Variants in NKAIN1 observed in about 807,000 individuals in gnomAD.
NKAIN1 encodes the protein sodium/potassium transporting ATPase interacting 1, also known as sodium/potassium-transporting ATPase subunit beta-1-interacting protein 1.
Under a neutral mutation model 31.6 loss-of-function variants are expected in NKAIN1, and 13 were observed. The ratio of observed to expected loss-of-function variants is 0.41; its 90% CI spans 0.27 to 0.65. The LOEUF (loss-of-function observed/expected upper bound fraction) is 0.65. Ranked by LOEUF, NKAIN1 falls within the 30% of genes least tolerant of loss-of-function variation. NKAIN1 has a pLI of 0.30. For synonymous variants in NKAIN1, 104 were observed against 109.0 expected, an observed-to-expected ratio of 0.95 and a Z score of 0.28; for missense variants, 193 against 262.2, an observed-to-expected ratio of 0.74 and a Z score of 1.82.
At chr1:31,221,975 T>A (rs991909343) in intron 1 of NKAIN1, among the ~76,000 whole-genome samples, 2 of 151,658 alleles carry the variant, frequency 1.3e-5, no homozygotes, top group African/African-American at 2.4e-5. Context: ...ACTTCCCGGG[T>A]TCAAGCAATC....
intron 1 of NKAIN1, among the ~76,000 whole-genome samples, chr1:31,215,196 T>G (rs1645501675): frequency 6.6e-6 from 1 of 152,114 alleles, no homozygotes; most frequent in South Asian, 2.1e-4. Flanking sequence ...CACTTCTGAC[T>G]TCTCCTTCCG....
At chr1:31,220,736 A>G (rs547992763) in intron 1 of NKAIN1, among the ~76,000 whole-genome samples, 3 of 143,924 alleles carry the variant, frequency 2.1e-5, no homozygotes, top group East Asian at 4.3e-4. Flanking sequence ...GCCTGGCGAC[A>G]GAGTAAGACT....
chr1:31,209,529 A>G (rs1272789606), intron 1 of NKAIN1, among the ~76,000 whole-genome samples: 1 of 152,172 alleles, frequency 6.6e-6, no homozygotes, highest in Non-Finnish European at 1.5e-5. Context: ...TCCTAAAAGA[A>G]TACGTATAGC....
At chr1:31,210,328 G>A (rs1110122) in intron 1 of NKAIN1, among the ~76,000 whole-genome samples, 89,362 of 148,214 alleles carry the variant, frequency 0.6, 29,331 homozygotes, top group Middle Eastern at 0.83. Flanking sequence ...TCACTCTGTC[G>A]CCCAGGCTGG....
chr1:31,214,927 T>C (rs6671739), intron 1 of NKAIN1, among the ~76,000 whole-genome samples: 67,574 of 152,038 alleles, frequency 0.44, 17,497 homozygotes, highest in Non-Finnish European at 0.57. Context: ...GATGGGACAC[T>C]AAGCCCTCCG....
intron 1 of NKAIN1, among the ~76,000 whole-genome samples, chr1:31,232,830 C>G (rs1645665031): frequency 6.6e-6 from 1 of 152,108 alleles, no homozygotes; most frequent in South Asian, 2.1e-4. Flanking sequence ...GATGACTACT[C>G]TGAGGCTCAG....
chr1:31,217,724 C>T (rs1013227925), intron 1 of NKAIN1, among the ~76,000 whole-genome samples: 3 of 152,212 alleles, frequency 2.0e-5, no homozygotes, highest in Non-Finnish European at 4.4e-5. Flanking sequence ...CCTGGAACAG[C>T]ACATGAAGGG....
At chr1:31,213,426 T>C (rs1645485940) in intron 1 of NKAIN1, among the ~76,000 whole-genome samples, 1 of 83,248 alleles carries the variant, frequency 1.2e-5, no homozygotes, top group African/African-American at 3.5e-5. Context: ...AGGCAGATAA[T>C]AACAAGTGTT....
intron 1 of NKAIN1, among the ~76,000 whole-genome samples, chr1:31,226,841 G>A (rs1247416857): frequency 6.6e-6 from 1 of 151,704 alleles, no homozygotes; most frequent in Admixed American, 6.6e-5. Context: ...CATTTTTTCT[G>A]GAGATACAGT....
chr1:31,188,904 T>C (rs1645264646), intron 1 of NKAIN1, among the ~76,000 whole-genome samples: 1 of 151,792 alleles, frequency 6.6e-6, no homozygotes. Flanking sequence ...TCCCAGCTAT[T>C]CGGGAGGCTT....
chr1:31,218,071 T>TC lies in NKAIN1; in HGVS notation c.54+21422_54+21423insG, dbSNP rs201070152. Among the ~76,000 whole-genome samples the TC allele has an allele frequency of 3.7e-3, 494 of 133,366 alleles. 3 individuals are homozygous for TC. The highest frequency in any genetic ancestry group is 6.2e-3 in the African/African-American group (218 of 35,252). 87.5% of individuals were successfully genotyped at this position (133,366 alleles called of 152,430 possible). ...TTCTTTCTTTCTTTCTTTCTTTCTT[T>TC]TTTTTTTTTGAGATGGAGTCTCGCT... On this transcript the variant is annotated intron_variant, in intron 1 of 6. Transcript: ENST00000373736.
intron 1 of NKAIN1, among the ~76,000 whole-genome samples, chr1:31,208,425 AT>A (rs1484341295): frequency 1.3e-5 from 2 of 151,990 alleles, no homozygotes; most frequent in Admixed American, 1.3e-4. Context: ...TTTCGTGAAG[AT>A]TTCTTTCATT....
intron 5 of NKAIN1, among the ~76,000 whole-genome samples, chr1:31,182,155 G>C (rs1645207394): frequency 6.6e-6 from 1 of 152,102 alleles, no homozygotes; most frequent in Non-Finnish European, 1.5e-5. Context: ...TGGGGGTCTG[G>C]AGGCGGCGAG....
chr1:31,189,656 A>G (rs1471612680), intron 1 of NKAIN1, among the ~76,000 whole-genome samples: 2 of 152,218 alleles, frequency 1.3e-5, no homozygotes, highest in Non-Finnish European at 2.9e-5. Context: ...CACTCTGTCC[A>G]CATGGCTTGA....
chr1:31,205,038 C>A (rs1022780947), intron 1 of NKAIN1, among the ~76,000 whole-genome samples: 2 of 152,164 alleles, frequency 1.3e-5, no homozygotes, highest in African/African-American at 4.8e-5. Flanking sequence ...AAAATGGGAA[C>A]AATAATATCT....
At chr1:31,210,667 C>T (rs1325198786) in intron 1 of NKAIN1, among the ~76,000 whole-genome samples, 2 of 152,168 alleles carry the variant, frequency 1.3e-5, no homozygotes, top group Admixed American at 6.6e-5. Context: ...CAGCTGAGCC[C>T]GTTTCCTCAT....
chr1:31,201,734 C>T (rs1206087189), intron 1 of NKAIN1, among the ~76,000 whole-genome samples: 2 of 152,200 alleles, frequency 1.3e-5, no homozygotes, highest in African/African-American at 4.8e-5. Context: ...GGACGCAGAA[C>T]GGCTGACTCC....
intron 5 of NKAIN1, 37 bp from the exon 6 acceptor site, chr1:31,181,978 GC>G: frequency 1.3e-6 from 2 of 1,573,964 alleles, no homozygotes; most frequent in Non-Finnish European, 1.7e-6. Context: ...GGGATCGGCG[GC>G]GGGGGCGAGG....
chr1:31,188,209 G>A lies in NKAIN1; in HGVS notation c.55-22C>T, dbSNP rs755386047. Reference sequence around the variant, plus strand: ...CCACCTGTGGAAGAGACAGGCTGAGGCCACTGTCACCCCCCTGAAAGGGAA... The same window carrying A: ...CCACCTGTGGAAGAGACAGGCTGAGACCACTGTCACCCCCCTGAAAGGGAA... On this transcript the variant is annotated intron_variant, in intron 1 of 6. Coordinates refer to ENST00000373736, the MANE Select transcript of NKAIN1 (RefSeq NM_024522.3). 10 of 1,549,986 alleles carry A rather than the reference G, an allele frequency of 6.5e-6. No homozygotes were observed. In the South Asian group the frequency reaches 1.2e-4, roughly 18 times the overall value.
Sources: gnomAD v4.1 joint callset for allele counts (sites outside exome capture counted in the v4.1 genomes callset) on GRCh38, gnomAD v4.1.1 for gene constraint, MANE v1.5 for transcripts, NCBI Gene and HGNC (gene_info 2026-07-23, HGNC 2026-07-21) for gene names.